The following LRSAM1 variants were observed in gnomAD, a reference collection of about 807,000 sequenced individuals.
The protein encoded by LRSAM1 is E3 ubiquitin-protein ligase LRSAM1.
In LRSAM1, 96 loss-of-function variants were observed where a neutral mutation model predicts 118.1. That is an observed-to-expected ratio of 0.81 (90% CI 0.69 to 0.96). LRSAM1 has a LOEUF of 0.96. Ranked by LOEUF, LRSAM1 falls within the 40% of genes least tolerant of loss-of-function variation. The pLI, the probability that LRSAM1 is intolerant of heterozygous loss-of-function variation, is 0.00. For missense variants in LRSAM1, 804 were observed against 915.5 expected (o/e 0.88, Z 1.57); for synonymous variants, 322 against 364.2 (o/e 0.88, Z 1.32).
rs1250855239 is a variant in LRSAM1, at chr9:127,473,912, G to A, written c.731G>A (p.Arg244Lys). The A allele has an allele frequency of 1.2e-6, 2 of 1,614,130 alleles. No homozygotes were observed. Among genetic ancestry groups the A allele is most frequent in the Non-Finnish European group, 1.7e-6 (2 of 1,180,054 alleles). ...GATGGGCCCACGGACAGATTCTCAA[G>A]GGAGGAGTTAGAGTGGCAGGTAAGA... ...SPDGPTDRFS[R>K]EELEWQNRFS... Residue 244 changes from arginine to lysine, a missense_variant, in exon 11 of 26, where the codon AGG becomes AAG. Coordinates refer to ENST00000300417, the MANE Select transcript of LRSAM1 (RefSeq NM_001005373.4).
At chr9:127,458,591 A>G (rs1485850809) in intron 6 of LRSAM1, among the ~76,000 whole-genome samples, 1 of 152,078 alleles carries the variant, frequency 6.6e-6, no homozygotes, top group Non-Finnish European at 1.5e-5. Context: ...AAATAAAACA[A>G]AATAAAATAA....
At position 127,503,192 on chromosome 9, in the gene LRSAM1, T is replaced by C; in HGVS notation, c.*293T>C. 1 of 450,518 alleles carries C rather than the reference T, an allele frequency of 2.2e-6. No homozygotes were observed. The highest frequency in any genetic ancestry group is 4.1e-6 in the Non-Finnish European group (1 of 241,762). The allele number at this position is 450,518 out of a possible 1,614,324, so 27.9% of individuals were successfully genotyped here. A position where few individuals can be genotyped will look rare whatever the true frequency, so the allele number is the denominator to read the frequency against. ...CGTCCCAGCCTAATCACGGATCTGC[T>C]GCCTCCCAGCTGTCTTGACTGAAGG... On this transcript the variant is annotated 3_prime_UTR_variant, in exon 26 of 26. Transcript: ENST00000300417.
intron 7 of LRSAM1, among the ~76,000 whole-genome samples, chr9:127,459,344 T>A (rs1428441722): frequency 6.7e-6 from 1 of 150,104 alleles, no homozygotes; most frequent in Non-Finnish European, 1.5e-5. Flanking sequence ...TCAGCCTCCC[T>A]AGTAGCTGGG....
At chr9:127,501,693 C>T (rs1274358367) in intron 25 of LRSAM1, among the ~76,000 whole-genome samples, 2 of 152,216 alleles carry the variant, frequency 1.3e-5, no homozygotes, top group African/African-American at 4.8e-5. Context: ...GATCCCACCA[C>T]TGCACTCCAG....
At chr9:127,502,633 GC>G in intron 25 of LRSAM1, 140 bp from the exon 26 acceptor site, 1 of 1,054,148 alleles carries the variant, frequency 9.5e-7, no homozygotes, top group Non-Finnish European at 1.3e-6. Context: ...GTTGCAGTGA[GC>G]TGAGATCCCA....
At chr9:127,495,830 T>C in intron 22 of LRSAM1, 134 bp from the exon 23 acceptor site, 1 of 1,335,302 alleles carries the variant, frequency 7.5e-7, no homozygotes, top group Non-Finnish European at 1.0e-6. Context: ...TGTGCCTACC[T>C]ATGAGTTTTT....
intron 25 of LRSAM1, among the ~76,000 whole-genome samples, chr9:127,501,892 A>G (rs1836407717): frequency 6.6e-6 from 1 of 152,250 alleles, no homozygotes; most frequent in African/African-American, 2.4e-5. Flanking sequence ...TCTCCCGTTG[A>G]CCTGACTCAT....
Position 127,502,880 on chromosome 9 carries a change from G to A in LRSAM1, c.2153G>A (p.Arg718His), listed in dbSNP as rs764890552. ...LCRQDIAQRL[R>H]IYHSS ...CGCCAGGACATCGCCCAGCGCCTCC[G>A]CATCTACCACAGCAGCTGAGTGCTG... The change falls in exon 26 of 26, where the codon CGC (arginine) becomes CAC (histidine). Residue 718 changes from arginine to histidine, a missense_variant. Arg to His is a conservative substitution (Grantham distance 29). Transcript: ENST00000300417. 11 of 1,604,824 alleles carry A rather than the reference G, an allele frequency of 6.9e-6. No homozygotes were observed. The highest frequency in any genetic ancestry group is 3.3e-5 in the South Asian group (3 of 89,772).
At chr9:127,488,816 C>G (rs1370341782) in intron 18 of LRSAM1, among the ~76,000 whole-genome samples, 3 of 151,860 alleles carry the variant, frequency 2.0e-5, no homozygotes, top group African/African-American at 7.3e-5. Context: ...GTCTCAAACT[C>G]CTGGGCTCAA....
intron 16 of LRSAM1, among the ~76,000 whole-genome samples, chr9:127,484,199 T>C (rs111301203): frequency 6.6e-5 from 10 of 152,162 alleles, no homozygotes; most frequent in African/African-American, 2.4e-4. Flanking sequence ...GTGTCTACCA[T>C]ATTTCACTTA....
rs1834412829 is a variant in LRSAM1, at chr9:127,453,881, C to T, written c.-32-615C>T. On this transcript the variant is annotated intron_variant, in intron 2 of 25. Transcript: ENST00000300417. ...ATGGAATTCACTAGAAAGATGTGGCCCCTGACCCCATGGAACTCACTAGAA... is the reference window on the plus strand; with the variant it reads ...ATGGAATTCACTAGAAAGATGTGGCTCCTGACCCCATGGAACTCACTAGAA... 4.2e-5 allele frequency: 7 copies of T among 164,942 alleles called. 1 individual carries two copies. The South Asian group carries it at 9.6e-4, about 23-fold the overall frequency. 10.2% of individuals were successfully genotyped at this position (164,942 alleles called of 1,614,324 possible).
At chr9:127,457,018 G>C (rs1411998433) in intron 5 of LRSAM1, among the ~76,000 whole-genome samples, 1 of 152,198 alleles carries the variant, frequency 6.6e-6, no homozygotes, top group Admixed American at 6.5e-5. Context: ...TATTTTCCAC[G>C]TGAAGACGCT....
intron 23 of LRSAM1, among the ~76,000 whole-genome samples, chr9:127,496,801 TGGCACTGAG>T (rs1264210140): frequency 2.0e-5 from 3 of 152,160 alleles, no homozygotes; most frequent in African/African-American, 7.2e-5. Flanking sequence ...GAGGACTGGA[TGGCACTGAG>T]GGTCACAAGG....
chr9:127,498,479 C>T (rs1271242705), intron 24 of LRSAM1, among the ~76,000 whole-genome samples: 2 of 152,202 alleles, frequency 1.3e-5, no homozygotes, highest in African/African-American at 2.4e-5. Flanking sequence ...GAGTGGGGTG[C>T]AGTGCCTCTG....
rs1588122290 is a variant in LRSAM1, at chr9:127,481,210, A to G, written c.1071A>G (p.Lys357=). ...AAAAGAAAAGCTCCGAGATTTTGAAATCGCTGGAAAATGAAAGGTAAGTGT... is the reference window on the plus strand; with the variant it reads ...AAAAGAAAAGCTCCGAGATTTTGAAGTCGCTGGAAAATGAAAGGTAAGTGT... The part of the protein sequence containing the change: ...QRQKKSSEIL[K]SLENERIRME... Residue 357 remains lysine (K), a synonymous_variant, in exon 15 of 26, where the codon AAA becomes AAG. Transcript: ENST00000300417. The G allele has an allele frequency of 6.2e-7, 1 of 1,613,666 alleles. No homozygotes were observed. Among genetic ancestry groups the G allele is most frequent in the Non-Finnish European group, 8.5e-7 (1 of 1,179,968 alleles).
intron 14 of LRSAM1, 57 bp from the exon 15 acceptor site, chr9:127,481,126 G>T: frequency 6.3e-7 from 1 of 1,598,834 alleles, no homozygotes. Flanking sequence ...CTAACGCAGT[G>T]AGACAGGAAA....
chr9:127,455,171 C>T lies in LRSAM1; in HGVS notation c.129+117C>T, dbSNP rs116885615. 3,798 of 1,016,404 alleles carry T rather than the reference C, an allele frequency of 3.7e-3. 17 individuals carry two copies. The highest frequency in any genetic ancestry group is 7.1e-3 in the South Asian group (555 of 78,432). 63.0% of individuals were successfully genotyped at this position (1,016,404 alleles called of 1,614,324 possible). On this transcript the variant is annotated intron_variant, in intron 4 of 25. Coordinates refer to ENST00000300417, the MANE Select transcript of LRSAM1 (RefSeq NM_001005373.4). ...TTAGAAAGGCCAGAAGCTCTAGTCACGAGATGTTTCCTTAGATTTTGTTCT... is the reference window on the plus strand; with the variant it reads ...TTAGAAAGGCCAGAAGCTCTAGTCATGAGATGTTTCCTTAGATTTTGTTCT...
At chr9:127,475,703 A>T (rs1684649096) in intron 11 of LRSAM1, among the ~76,000 whole-genome samples, 1 of 152,150 alleles carries the variant, frequency 6.6e-6, no homozygotes, top group Non-Finnish European at 1.5e-5. Context: ...ACAACTTTGG[A>T]GGATAATTTG....
In LRSAM1 at chr9:127,455,602, C is replaced by T; in HGVS notation, c.156C>T (p.Cys52=). The change falls in exon 5 of 26, where the codon TGC becomes TGT. Residue 52 remains cysteine, a synonymous_variant. Coordinates refer to ENST00000300417, the MANE Select transcript of LRSAM1 (RefSeq NM_001005373.4). ...SEIPFGAFAT[C]KVLQKKVLIV... ...TTCCATTTGGAGCTTTTGCAACATGCAAAGTTCTGCAGAAGAAGGTAAGAT... is the reference window on the plus strand; with the variant it reads ...TTCCATTTGGAGCTTTTGCAACATGTAAAGTTCTGCAGAAGAAGGTAAGAT... 1 of 1,613,848 alleles carries T rather than the reference C, an allele frequency of 6.2e-7. No homozygotes were observed. Among genetic ancestry groups the T allele is most frequent in the Non-Finnish European group, 8.5e-7 (1 of 1,180,016 alleles).
Sources: gnomAD v4.1 joint callset for allele counts (sites outside exome capture counted in the v4.1 genomes callset) on GRCh38, gnomAD v4.1.1 for gene constraint, MANE v1.5 for transcripts, NCBI Gene and HGNC (gene_info 2026-07-23, HGNC 2026-07-21) for gene names.